Variants in RHD observed in about 807,000 individuals in gnomAD.
The protein encoded by RHD is blood group Rh(D) polypeptide.
Under a neutral mutation model 45.5 loss-of-function variants are expected in RHD, and 16 were observed. That is an observed-to-expected ratio of 0.35 (90% CI 0.24 to 0.53). The LOEUF is 0.53. Among genes scored for constraint, RHD ranks in the 20% least tolerant of loss-of-function variants. RHD has a pLI of 0.92. For missense variants in RHD, 306 were observed against 532.0 expected (o/e 0.58, Z 4.18); for synonymous variants, 131 against 217.5 (o/e 0.60, Z 3.50).
At chr1:25,274,656 C>T (rs1640783290) in intron 1 of RHD, among the ~76,000 whole-genome samples, 1 of 133,310 alleles carries the variant, frequency 7.5e-6, no homozygotes, top group South Asian at 2.3e-4. Flanking sequence ...ATGGCGTGCA[C>T]ACACAATAGA....
At chr1:25,291,846 A>G (rs1642536301) in intron 3 of RHD, among the ~76,000 whole-genome samples, 1 of 132,694 alleles carries the variant, frequency 7.5e-6, no homozygotes, top group South Asian at 2.3e-4. Flanking sequence ...CCTGACCCTG[A>G]GTGAGGACAT....
rs759802422 is a variant in RHD, at chr1:25,272,707, T to C, written c.148+12T>C. 2.9e-6 allele frequency: 4 copies of C among 1,385,812 alleles called. No homozygotes were observed. Among genetic ancestry groups the C allele is most frequent in the Non-Finnish European group, 4.1e-6 (4 of 982,988 alleles). 85.8% of individuals were successfully genotyped at this position (1,385,812 alleles called of 1,614,324 possible). On this transcript the variant is annotated intron_variant, in intron 1 of 9. Transcript: ENST00000328664. ...GGCATCCTATCAAGGTGAGAGTTCATTGGAAAAGTGGTCACAGGAGCAAAT... is the reference window on the plus strand; with the variant it reads ...GGCATCCTATCAAGGTGAGAGTTCACTGGAAAAGTGGTCACAGGAGCAAAT...
chr1:25,294,392 A>G, intron 3 of RHD: 1 of 764,688 alleles, frequency 1.3e-6, no homozygotes, highest in East Asian at 2.4e-5. Context: ...AAGGATTCAA[A>G]TAAGCAGCCG....
rs548486072 is a variant in RHD at position 25,330,200 on chromosome 1, T to C, written c.*1276T>C. The C allele has an allele frequency of 6.8e-5, 9 of 133,144 alleles. No individual in the cohort carries two copies. The East Asian group carries it at 1.2e-3, about 17-fold the overall frequency. The allele number at this position is 133,144 out of a possible 1,614,324, so 8.2% of individuals were successfully genotyped here. ...TTTTCTACTGCTATGTGTCACACTT[T>C]GCCAAACAGGATGTGGAAAATGAAT... On this transcript the variant is annotated 3_prime_UTR_variant, in exon 10 of 10. Coordinates refer to ENST00000328664, the MANE Select transcript of RHD (RefSeq NM_016124.6).
chr1:25,315,385 G>C (rs899040756), intron 7 of RHD, among the ~76,000 whole-genome samples: 1 of 130,428 alleles, frequency 7.7e-6, no homozygotes. Context: ...CCACACGGAA[G>C]GGGGGATGGC....
chr1:25,318,885 GA>G lies in RHD; in HGVS notation c.1153+1807del, dbSNP rs1484174124. ...TTTTGGAGTTACCTGGGTAATTTTT[GA>G]GTGTGAGATTGGCTAGAATTGCTTT... On this transcript the variant is annotated intron_variant, in intron 8 of 9. Transcript: ENST00000328664. Among the ~76,000 whole-genome samples, 39 of 132,562 alleles carry G rather than the reference GA, an allele frequency of 2.9e-4. 13 individuals are homozygous for G. The highest frequency in any genetic ancestry group is 5.9e-4 in the Admixed American group (8 of 13,590). The allele number at this position is 132,562 out of a possible 152,430, so 87.0% of individuals were successfully genotyped here.
rs369681857 is a variant in RHD, at chr1:25,290,781, A to G, written c.476A>G (p.Asn159Ser). 1 of 1,376,702 alleles carries G rather than the reference A, an allele frequency of 7.3e-7. No homozygotes were observed. Among genetic ancestry groups the G allele is most frequent in the African/African-American group, 1.4e-5 (1 of 70,072 alleles). The allele number at this position is 1,376,702 out of a possible 1,614,324, so 85.3% of individuals were successfully genotyped here. The change falls in exon 3 of 10, where the codon AAT becomes AGT. Residue 159 changes from asparagine to serine, a missense_variant. Asn to Ser is a conservative substitution (Grantham distance 46). Transcript: ENST00000328664. Reference protein sequence around the residue: ...ALGNLRMVISNIFNTDYHMNM... With the variant: ...ALGNLRMVISSIFNTDYHMNM... The stretch of plus-strand genomic sequence containing the variant: ...GGCAACCTGAGGATGGTCATCAGTA[A>G]TATCTTCAACGTGAGTCATGGTGCT...
intron 1 of RHD, among the ~76,000 whole-genome samples, chr1:25,276,523 C>T (rs1162455269): frequency 3.3e-5 from 2 of 59,954 alleles, no homozygotes; most frequent in African/African-American, 1.4e-4. Context: ...GGAGACCCCC[C>T]CCCATCTCTA....
chr1:25,280,300 C>A (rs1457249417), intron 1 of RHD, among the ~76,000 whole-genome samples: 1 of 124,220 alleles, frequency 8.1e-6, no homozygotes, highest in East Asian at 2.0e-4. Flanking sequence ...CCTCTGACTT[C>A]CTCATCTCTT....
chr1:25,297,033 C>T lies in RHD; in HGVS notation c.487-3913C>T, dbSNP rs1643013243. On this transcript the variant is annotated intron_variant, in intron 3 of 9. Transcript: ENST00000328664. ...TATGATTACCTTATTCTCATTTCACCAATTTTCTCAATAATATCTTTTCTA... is the reference window on the plus strand; with the variant it reads ...TATGATTACCTTATTCTCATTTCACTAATTTTCTCAATAATATCTTTTCTA... Among the ~76,000 whole-genome samples, 4 of 130,800 alleles carry T rather than the reference C, an allele frequency of 3.1e-5. 1 individual carries two copies. Among genetic ancestry groups the T allele is most frequent in the Non-Finnish European group, 5.4e-5 (3 of 55,672 alleles). The allele number at this position is 130,800 out of a possible 152,430, so 85.8% of individuals were successfully genotyped here.
At position 25,320,537 on chromosome 1, in the gene RHD, C is replaced by G. The variant is rs181073385; in HGVS notation, c.1154-1352C>G. On this transcript the variant is annotated intron_variant, in intron 8 of 9. Transcript: ENST00000328664. ...CCAATATCAGCTAAAAGCAGCACCA[C>G]GAAAGGGAAATACGAATCTCACTAA... 2.6e-3 allele frequency among the ~76,000 whole-genome samples: 337 copies of G among 131,764 alleles called. 46 individuals are homozygous for G. The highest frequency in any genetic ancestry group is 8.1e-3 in the African/African-American group (316 of 38,850). 86.4% of individuals were successfully genotyped at this position (131,764 alleles called of 152,430 possible). A position where few individuals can be genotyped will look rare whatever the true frequency, so the allele number is the denominator to read the frequency against.
intron 1 of RHD, among the ~76,000 whole-genome samples, chr1:25,277,577 C>T (rs28496907): frequency 0.013 from 1,726 of 130,238 alleles, 98 homozygotes; most frequent in African/African-American, 0.043. Flanking sequence ...CCTCTTTCTG[C>T]CTCTGTTTCT....
chr1:25,286,039 C>G (rs1428420276), intron 2 of RHD, among the ~76,000 whole-genome samples: 12 of 135,356 alleles, frequency 8.9e-5, no homozygotes, highest in Non-Finnish European at 1.9e-4. Context: ...GAGGGCAAGG[C>G]ACTTGCCTAG....
chr1:25,278,781 C>T (rs1641229723), intron 1 of RHD, among the ~76,000 whole-genome samples: 1 of 130,862 alleles, frequency 7.6e-6, no homozygotes, highest in Admixed American at 7.5e-5. Context: ...ACTCCAAACC[C>T]TGGCACCTTC....
rs894419154 is a variant in RHD, at chr1:25,329,294, G to A, written c.*370G>A. 60 of 441,684 alleles carry A rather than the reference G, an allele frequency of 1.4e-4. 7 individuals are homozygous for A. The highest frequency in any genetic ancestry group is 5.5e-5 in the Non-Finnish European group (14 of 252,646). The allele number at this position is 441,684 out of a possible 1,614,324, so 27.4% of individuals were successfully genotyped here. On this transcript the variant is annotated 3_prime_UTR_variant, in exon 10 of 10. Transcript: ENST00000328664. ...TAGTCTTACTCTGTCACCCAGGCTA[G>A]AGTGCAATGGCACCATCTTGGCTCA...
In RHD at chr1:25,319,943, G is replaced by T. The variant is rs192448389; in HGVS notation, c.1154-1946G>T. ...GACGCAGTTTTGCTCTTGTTGCCCA[G>T]GCTGGAGTGCAATGGCGCTATCTCG... On this transcript the variant is annotated intron_variant, in intron 8 of 9. Coordinates refer to ENST00000328664, the MANE Select transcript of RHD (RefSeq NM_016124.6). Among the ~76,000 whole-genome samples the T allele has an allele frequency of 4.6e-3, 603 of 131,134 alleles. 147 individuals carry two copies. Among genetic ancestry groups the T allele is most frequent in the Middle Eastern group, 0.045 (11 of 244 alleles). 86.0% of individuals were successfully genotyped at this position (131,134 alleles called of 152,430 possible).
chr1:25,281,897 A>G (rs1485386033), intron 1 of RHD, among the ~76,000 whole-genome samples: 1 of 132,422 alleles, frequency 7.6e-6, no homozygotes, highest in African/African-American at 2.6e-5. Context: ...GTATGTTTCA[A>G]TGGAAGTGAA....
chr1:25,319,959 C>T (rs1472659797), intron 8 of RHD, among the ~76,000 whole-genome samples: 3 of 130,968 alleles, frequency 2.3e-5, no homozygotes, highest in East Asian at 2.0e-4. Flanking sequence ...AGTGCAATGG[C>T]GCTATCTCGG....
In RHD at chr1:25,308,491, G is replaced by A. The variant is rs1266859825; in HGVS notation, c.1073+1762G>A. Among the ~76,000 whole-genome samples the A allele has an allele frequency of 3.0e-5, 4 of 131,622 alleles. 1 individual carries two copies. The highest frequency in any genetic ancestry group is 7.2e-5 in the Non-Finnish European group (4 of 55,850). The allele number at this position is 131,622 out of a possible 152,430, so 86.3% of individuals were successfully genotyped here. On this transcript the variant is annotated intron_variant, in intron 7 of 9. Transcript: ENST00000328664. ...GAAAAAGCCAATCAGTGGTTTTCTG[G>A]TAAAGGATTAACTTAACAAACTGGC...
Sources: allele counts gnomAD v4.1 joint callset (sites outside exome capture counted in the v4.1 genomes callset), GRCh38; gene constraint gnomAD v4.1.1; transcripts MANE v1.5; gene names NCBI Gene and HGNC (gene_info 2026-07-23, HGNC 2026-07-21).